Variants in CNIH3 observed in about 807,000 individuals in gnomAD.
CNIH3 encodes the protein protein cornichon homolog 3.
Under a neutral mutation model 24.1 loss-of-function variants are expected in CNIH3, and 14 were observed. The observed-to-expected ratio is 0.58, with a 90% CI of 0.38 to 0.91. The LOEUF (loss-of-function observed/expected upper bound fraction) is 0.91. Ranked by LOEUF, CNIH3 falls within the 40% of genes least tolerant of loss-of-function variation. The pLI, the probability that CNIH3 is intolerant of heterozygous loss-of-function variation, is 0.00. For missense variants in CNIH3, 178 were observed against 196.8 expected, an observed-to-expected ratio of 0.90 and a Z score of 0.57; for synonymous variants, 68 against 73.8, an observed-to-expected ratio of 0.92 and a Z score of 0.40.
intron 5 of CNIH3, chr1:224,587,436 C>A (rs1199156800): frequency 6.6e-6 from 1 of 152,220 alleles, no homozygotes; most frequent in Non-Finnish European, 1.5e-5. Flanking sequence ...AAGTTTCTGC[C>A]TGCACAGAGA....
upstream of CNIH3, among the ~76,000 whole-genome samples, chr1:224,512,132 G>A (rs1268169004): frequency 6.7e-6 from 1 of 149,956 alleles, no homozygotes; most frequent in Non-Finnish European, 1.5e-5. Context: ...CCGAGATCGT[G>A]CCATTGCACT....
chr1:224,717,143 C>T (rs551623633), intron 3 of CNIH3, among the ~76,000 whole-genome samples: 6 of 152,256 alleles, frequency 3.9e-5, no homozygotes, highest in South Asian at 2.1e-4. Flanking sequence ...TGCATGCACA[C>T]GTGTGCTTGG....
In CNIH3 at chr1:224,703,010, A is replaced by G. The variant is rs1403652977; in HGVS notation, c.198+18167A>G. Among the ~76,000 whole-genome samples the G allele has an allele frequency of 1.3e-5, 2 of 151,984 alleles. No individual in the cohort carries two copies. The highest frequency in any genetic ancestry group is 2.9e-5 in the Non-Finnish European group (2 of 67,996). ...TCCGAACCTCATCATTGAATTGGAA[A>G]CTCAGGAGGTGAGGTTAGGGCCTCA... is the stretch of plus-strand genomic sequence containing the variant. On this transcript the variant is annotated intron_variant, in intron 3 of 5. Transcript: ENST00000272133. The surrounding 1 kb of genome is among the most constrained non-coding windows in gnomAD (Gnocchi z 4.2).
At chr1:224,452,672 C>T (rs1346817940) in intron 1 of CNIH3, among the ~76,000 whole-genome samples, 1 of 149,922 alleles carries the variant, frequency 6.7e-6, no homozygotes, top group African/African-American at 2.5e-5. Context: ...GTCCCAGCTA[C>T]TCGGGAGGCT....
intron 1 of CNIH3, among the ~76,000 whole-genome samples, chr1:224,517,724 G>A (rs1196673900): frequency 6.6e-6 from 1 of 151,712 alleles, no homozygotes; most frequent in African/African-American, 2.4e-5. Context: ...GAGAACATAC[G>A]ATGTTTGGTT....
At chr1:224,565,543 C>T (rs568560134) in intron 3 of CNIH3, 1 of 152,486 alleles carries the variant, frequency 6.6e-6, no homozygotes, top group Non-Finnish European at 1.5e-5. Context: ...TTTCCTGTAC[C>T]CCATGCTTGC....
At chr1:224,714,575 A>G (rs890475589) in intron 3 of CNIH3, among the ~76,000 whole-genome samples, 19 of 152,234 alleles carry the variant, frequency 1.2e-4, no homozygotes, top group African/African-American at 4.6e-4. Context: ...CCTTGCACAC[A>G]TTCCCTGTGC....
At chr1:224,534,854 T>C (rs698277) in intron 2 of CNIH3, among the ~76,000 whole-genome samples, 47,445 of 151,930 alleles carry the variant, frequency 0.31, 10,260 homozygotes, top group African/African-American at 0.62. Flanking sequence ...GTCCCGGAGG[T>C]TGGTCTGTTT....
chr1:224,573,782 A>T (rs1450501634), intron 4 of CNIH3, among the ~76,000 whole-genome samples: 2 of 152,152 alleles, frequency 1.3e-5, no homozygotes. Context: ...CAGGGTAGGA[A>T]ATGTGTGATA....
intron 5 of CNIH3, among the ~76,000 whole-genome samples, chr1:224,586,957 C>A (rs1558186119): frequency 6.6e-6 from 1 of 152,294 alleles, no homozygotes; most frequent in Admixed American, 6.5e-5. Flanking sequence ...GCCCTGCTGA[C>A]ACCTTGATTT....
chr1:224,622,318 T>A (rs1331106006), intron 1 of CNIH3, among the ~76,000 whole-genome samples: 1 of 152,210 alleles, frequency 6.6e-6, no homozygotes, highest in African/African-American at 2.4e-5. Context: ...TATAGGGCCC[T>A]TCTTGATGAT....
chr1:224,715,721 A>G (rs1431304000), intron 3 of CNIH3, among the ~76,000 whole-genome samples: 1 of 152,114 alleles, frequency 6.6e-6, no homozygotes, highest in Non-Finnish European at 1.5e-5. Context: ...GGGAGGTGCC[A>G]GGCTCTTTAT....
chr1:224,641,858 GC>G (rs1684376540), intron 1 of CNIH3, among the ~76,000 whole-genome samples: 2 of 152,240 alleles, frequency 1.3e-5, no homozygotes, highest in Middle Eastern at 6.8e-3. Context: ...GTGCTCCCAG[GC>G]CCCCACCTTG....
intron 4 of CNIH3, among the ~76,000 whole-genome samples, chr1:224,566,444 C>G (rs1558166111): frequency 1.3e-5 from 2 of 151,726 alleles, no homozygotes; most frequent in East Asian, 3.9e-4. Context: ...CATAGGTATA[C>G]ATGTGCCATG....
chr1:224,634,441 C>T (rs1320584418), intron 1 of CNIH3, among the ~76,000 whole-genome samples: 6 of 151,906 alleles, frequency 3.9e-5, no homozygotes, highest in African/African-American at 1.2e-4. Context: ...TGGTGGCACG[C>T]GCCTGTAGTC....
At chr1:224,633,083 T>G (rs1683905729) in intron 1 of CNIH3, among the ~76,000 whole-genome samples, 2 of 152,212 alleles carry the variant, frequency 1.3e-5, no homozygotes, top group Admixed American at 6.5e-5. Flanking sequence ...GTCTTTCTCC[T>G]GTCGTGGTTT....
chr1:224,573,137 T>C (rs1339567333), intron 4 of CNIH3, among the ~76,000 whole-genome samples: 1 of 152,232 alleles, frequency 6.6e-6, no homozygotes, highest in Non-Finnish European at 1.5e-5. Context: ...TGTATTTTAG[T>C]AACTTGAGTC....
intron 1 of CNIH3, among the ~76,000 whole-genome samples, chr1:224,666,008 G>A (rs1472391757): frequency 6.6e-6 from 1 of 152,162 alleles, no homozygotes; most frequent in African/African-American, 2.4e-5. Context: ...CAGGGTCTGT[G>A]CCGCCTTGTA....
At chr1:224,533,279 T>C (rs1679149916) in intron 2 of CNIH3, among the ~76,000 whole-genome samples, 1 of 148,724 alleles carries the variant, frequency 6.7e-6, no homozygotes, top group East Asian at 2.0e-4. Flanking sequence ...TGGCTGAGAG[T>C]AGTGGCGCGC....
Sources: gnomAD v4.1 joint callset for allele counts (sites outside exome capture counted in the v4.1 genomes callset) on GRCh38, gnomAD v4.1.1 for gene constraint, Gnocchi (gnomAD v3.1) non-coding constraint, MANE v1.5 for transcripts, NCBI Gene and HGNC (gene_info 2026-07-23, HGNC 2026-07-21) for gene names.